RREB1: variants seen among roughly 807,000 people sequenced by gnomAD.
RREB1 encodes ras-responsive element-binding protein 1.
In RREB1, 27 loss-of-function variants were observed where a neutral mutation model predicts 117.8. The observed-to-expected ratio is 0.23, with a 90% CI of 0.17 to 0.32. The LOEUF (loss-of-function observed/expected upper bound fraction) is 0.32, where lower values mean the gene tolerates loss of function less well. RREB1 is among the 10% of genes least tolerant of loss of function. The pLI, the probability that RREB1 is intolerant of heterozygous loss-of-function variation, is 1.00. For synonymous variants in RREB1, 1,298 were observed against 1,026.7 expected, an observed-to-expected ratio of 1.26 and a Z score of -5.05; for missense variants, 2,577 against 2,378.2, an observed-to-expected ratio of 1.08 and a Z score of -1.74.
chr6:7,169,851 T>A (rs11756802), intron 1 of RREB1, among the ~76,000 whole-genome samples: 4,922 of 152,288 alleles, frequency 0.032, 111 homozygotes, highest in Non-Finnish European at 0.046. Context: ...AAAATCTCCC[T>A]AGCTCTCCCG....
chr6:7,177,574 G>A (rs140315192), intron 2 of RREB1, among the ~76,000 whole-genome samples: 8 of 151,910 alleles, frequency 5.3e-5, no homozygotes, highest in Non-Finnish European at 8.8e-5. Context: ...TCACTCTGTC[G>A]CCCAGGCTGG....
At chr6:7,215,902 G>A (rs1422553039) in intron 8 of RREB1, 5 of 151,710 alleles carry the variant, frequency 3.3e-5, no homozygotes, top group African/African-American at 7.3e-5. Context: ...AGCCACCTAC[G>A]GCAGGGAGGG....
In RREB1 at chr6:7,226,521, C is replaced by T. The variant is rs547689670; in HGVS notation, c.762C>T (p.Asn254=). ...FRTHRGLLRH[N]ALVHKQLPRD... The stretch of plus-strand genomic sequence containing the variant: ...CACATCGAGGACTGCTGCGTCACAA[C>T]GCGCTTGTCCACAAACAACTTCCCA... The change falls in exon 9 of 13, where the codon AAC becomes AAT. Residue 254 remains asparagine (N), a synonymous_variant. Transcript: ENST00000379938. 54 of 1,614,048 alleles carry T rather than the reference C, an allele frequency of 3.3e-5. No homozygotes were observed. The highest frequency in any genetic ancestry group is 4.0e-5 in the African/African-American group (3 of 74,936).
At chr6:7,220,673 TG>T (rs1767196122) in intron 8 of RREB1, among the ~76,000 whole-genome samples, 1 of 152,260 alleles carries the variant, frequency 6.6e-6, no homozygotes, top group African/African-American at 2.4e-5. Context: ...ACCTTTCCTC[TG>T]GCACATTGTC....
Position 7,210,958 on chromosome 6 carries a change from G to C in RREB1, c.570+10G>C, listed in dbSNP as rs765612783. 6.2e-6 allele frequency: 10 copies of C among 1,611,660 alleles called. No homozygotes were observed. In the East Asian group the frequency reaches 1.8e-4, roughly 29 times the overall value. Reference sequence around the variant, plus strand: ...AGCACCAGCTAAAAAGGTCCTCTTGGCTCCCAGTGCAGATTCACCTGCTCA... The same window carrying C: ...AGCACCAGCTAAAAAGGTCCTCTTGCCTCCCAGTGCAGATTCACCTGCTCA... On this transcript the variant is annotated intron_variant, in intron 7 of 12. Transcript: ENST00000379938.
chr6:7,152,396 A>G (rs370542832), intron 1 of RREB1, among the ~76,000 whole-genome samples: 1 of 152,112 alleles, frequency 6.6e-6, no homozygotes, highest in Admixed American at 6.5e-5. Flanking sequence ...GACTTTTTTT[A>G]TGTCTCCTGA....
At position 7,246,559 on chromosome 6, in the gene RREB1, C is replaced by T. The variant is rs375377458; in HGVS notation, c.4109C>T (p.Thr1370Met). 105 of 1,548,358 alleles carry T rather than the reference C, an allele frequency of 6.8e-5. No individual in the cohort carries two copies. The highest frequency in any genetic ancestry group is 8.8e-5 in the Non-Finnish European group (101 of 1,146,730). Residue 1370 changes from threonine to methionine, a missense_variant, in exon 12 of 13, where the codon ACG becomes ATG. Transcript: ENST00000379938. ...GGGGATGCGCCTGTGGAGCAGGCCA[C>T]GGCGGAAACGGCCTCGCCGGTGCAC... is the stretch of plus-strand genomic sequence containing the variant. ...VAGDAPVEQA[T>M]AETASPVHRE...
In RREB1 at chr6:7,230,731, C is replaced by T. The variant is rs1328674270; in HGVS notation, c.2632C>T (p.Pro878Ser). The change falls in exon 10 of 13, where the codon CCA becomes TCA. Residue 878 changes from proline to serine, a missense_variant. By Grantham distance (74) the Pro-to-Ser change is moderately conservative. Coordinates refer to ENST00000379938, the MANE Select transcript of RREB1 (RefSeq NM_001003699.4). ...GFLHRGPTQPPPPHVSIKLEP... is the reference protein window; with the variant it reads ...GFLHRGPTQPSPPHVSIKLEP... ...TCTTCACAGGGGCCCCACCCAGCCT[C>T]CACCTCCCCATGTCTCGATCAAGTT... is the stretch of plus-strand genomic sequence containing the variant. The T allele has an allele frequency of 2.5e-6, 4 of 1,602,696 alleles. No individual in the cohort carries two copies. Among genetic ancestry groups the T allele is most frequent in the Non-Finnish European group, 1.7e-6 (2 of 1,173,452 alleles).
chr6:7,236,538 C>G (rs1561802700), intron 10 of RREB1, among the ~76,000 whole-genome samples: 1 of 152,028 alleles, frequency 6.6e-6, no homozygotes, highest in Non-Finnish European at 1.5e-5. Context: ...ACACTTCTGC[C>G]AAATACAGAG....
At chr6:7,193,110 C>G (rs1260503535) in intron 6 of RREB1, among the ~76,000 whole-genome samples, 1 of 152,120 alleles carries the variant, frequency 6.6e-6, no homozygotes, top group African/African-American at 2.4e-5. Context: ...TTATTAATTT[C>G]TAGTTTCATT....
chr6:7,210,532 T>C (rs1483433530), intron 6 of RREB1, among the ~76,000 whole-genome samples: 1 of 152,218 alleles, frequency 6.6e-6, no homozygotes, highest in African/African-American at 2.4e-5. Flanking sequence ...AGATAGTTTG[T>C]TTCATCTTGT....
At chr6:7,163,750 G>A (rs903538798) in intron 1 of RREB1, among the ~76,000 whole-genome samples, 5 of 152,214 alleles carry the variant, frequency 3.3e-5, no homozygotes, top group South Asian at 4.1e-4. Context: ...GTGTGAGCAC[G>A]TGTGTGCCTG....
chr6:7,149,285 AT>A (rs1763009319), intron 1 of RREB1, among the ~76,000 whole-genome samples: 3 of 152,184 alleles, frequency 2.0e-5, no homozygotes. Context: ...ATAAAATGTC[AT>A]GGATTTTTAA....
intron 10 of RREB1, among the ~76,000 whole-genome samples, chr6:7,236,294 G>A (rs895546406): frequency 4.6e-5 from 7 of 152,058 alleles, no homozygotes; most frequent in Non-Finnish European, 8.8e-5. Flanking sequence ...TGTCCATTCC[G>A]GGCTTCCCTG....
rs961581510 is a variant in RREB1, at chr6:7,220,104, A to T, written c.708-6363A>T. ...GGAACCTCCACAGTGGAGCAGCCCC[A>T]CTGGAGGCAGGACCCACAGTTCAGC... On this transcript the variant is annotated intron_variant, in intron 8 of 12. Transcript: ENST00000379938. Among the ~76,000 whole-genome samples the T allele has an allele frequency of 2.6e-4, 39 of 152,086 alleles. 1 individual carries two copies. Among genetic ancestry groups the T allele is most frequent in the Non-Finnish European group, 1.5e-4 (10 of 68,006 alleles).
chr6:7,204,636 C>T (rs1014358083), intron 6 of RREB1, among the ~76,000 whole-genome samples: 4 of 152,122 alleles, frequency 2.6e-5, no homozygotes, highest in Admixed American at 1.3e-4. Flanking sequence ...GGTCCTGGGC[C>T]GTGCTGTGTG....
Position 7,230,864 on chromosome 6 carries a change from C to T in RREB1, c.2765C>T (p.Pro922Leu). The T allele has an allele frequency of 1.9e-6, 3 of 1,614,264 alleles. No homozygotes were observed. The highest frequency in any genetic ancestry group is 1.1e-5 in the South Asian group (1 of 91,090). Residue 922 changes from proline (P) to leucine (L), a missense_variant, in exon 10 of 13, where the codon CCT becomes CTT. Coordinates refer to ENST00000379938, the MANE Select transcript of RREB1 (RefSeq NM_001003699.4). ...VKQENISFLS[P>L]SSLVPYDCSM... is the part of the protein sequence containing the mutation. ...CAGGAAAACATCTCCTTTCTGAGCC[C>T]TTCTTCCCTGGTCCCCTATGACTGC...
intron 1 of RREB1, among the ~76,000 whole-genome samples, chr6:7,120,737 C>T (rs116714070): frequency 1.3e-5 from 2 of 150,472 alleles, no homozygotes; most frequent in African/African-American, 4.9e-5. Context: ...GCCTCGACCT[C>T]GTGGGCCCAA....
At chr6:7,129,106 CATT>C (rs764226048) in intron 1 of RREB1, among the ~76,000 whole-genome samples, 59 of 152,136 alleles carry the variant, frequency 3.9e-4, no homozygotes, top group South Asian at 8.3e-4. Context: ...GGGGAGTTGA[CATT>C]ATGAAAGGAA....
Sources: allele counts gnomAD v4.1 joint callset (sites outside exome capture counted in the v4.1 genomes callset), GRCh38; gene constraint gnomAD v4.1.1; transcripts MANE v1.5; gene names NCBI Gene and HGNC (gene_info 2026-07-23, HGNC 2026-07-21).